The following TMEM135 variants were observed in gnomAD, a reference collection of about 807,000 sequenced individuals.
TMEM135 encodes peroxisomal membrane protein 52.
TMEM135 carries 30 observed loss-of-function variants against 60.3 expected under a neutral mutation model. The ratio of observed to expected loss-of-function variants is 0.50; its 90% CI spans 0.37 to 0.68. The LOEUF is 0.68. TMEM135 is among the 30% of genes least tolerant of loss of function. The probability of loss-of-function intolerance (pLI) is 0.00; values close to 1 mark genes in which losing one functional copy is unlikely to be tolerated. For missense variants in TMEM135, 468 were observed against 548.8 expected, an observed-to-expected ratio of 0.85 and a Z score of 1.47; for synonymous variants, 190 against 186.7, an observed-to-expected ratio of 1.02 and a Z score of -0.14.
At chr11:87,311,034 TTGAC>T (rs967322131) in intron 10 of TMEM135, among the ~76,000 whole-genome samples, 5 of 150,998 alleles carry the variant, frequency 3.3e-5, no homozygotes, top group African/African-American at 1.2e-4. Context: ...CTTTATTTCT[TTGAC>T]TGTTTTAATG....
chr11:87,153,265 A>C (rs1385926420), intron 4 of TMEM135, among the ~76,000 whole-genome samples: 1 of 152,148 alleles, frequency 6.6e-6, no homozygotes, highest in African/African-American at 2.4e-5. Flanking sequence ...CATCTCATGA[A>C]GTCTTTTTCC....
At chr11:87,263,744 A>G (rs1941696734) in intron 6 of TMEM135, among the ~76,000 whole-genome samples, 1 of 152,116 alleles carries the variant, frequency 6.6e-6, no homozygotes. Context: ...CTGGTGAAGA[A>G]AATGAACGTG....
chr11:87,142,371 T>C (rs1416723724), intron 4 of TMEM135, among the ~76,000 whole-genome samples: 1 of 152,234 alleles, frequency 6.6e-6, no homozygotes, highest in Non-Finnish European at 1.5e-5. Context: ...CTCATGTAGC[T>C]GTGCTGTAAG....
chr11:87,302,231 C>CTT (rs377223796), intron 7 of TMEM135, 65 bp from the exon 8 acceptor site: 311 of 1,321,296 alleles, frequency 2.4e-4, no homozygotes, highest in African/African-American at 7.3e-4. Flanking sequence ...TAAACAAAGT[C>CTT]TTTTTTTTTT....
intron 6 of TMEM135, among the ~76,000 whole-genome samples, chr11:87,292,021 G>A (rs1942274622): frequency 6.6e-6 from 1 of 152,112 alleles, no homozygotes; most frequent in Non-Finnish European, 1.5e-5. Context: ...TCCAGCTACA[G>A]TAATCTACTT....
At chr11:87,275,396 A>G (rs1007965261) in intron 6 of TMEM135, among the ~76,000 whole-genome samples, 2 of 152,084 alleles carry the variant, frequency 1.3e-5, no homozygotes, top group African/African-American at 4.8e-5. Context: ...TCAGATGCTT[A>G]TTGGTTGGGT....
At chr11:87,315,156 T>C (rs1942706490) in intron 12 of TMEM135, among the ~76,000 whole-genome samples, 1 of 151,674 alleles carries the variant, frequency 6.6e-6, no homozygotes, top group Non-Finnish European at 1.5e-5. Context: ...TTCCTCCTCC[T>C]CCTCCTCCTC....
chr11:87,279,241 G>C (rs1264298282), intron 6 of TMEM135, among the ~76,000 whole-genome samples: 1 of 152,062 alleles, frequency 6.6e-6, no homozygotes, highest in Non-Finnish European at 1.5e-5. Context: ...GGCCTGTAGT[G>C]ATACATCTTT....
intron 1 of TMEM135, among the ~76,000 whole-genome samples, chr11:87,040,292 T>C (rs1949739193): frequency 6.9e-6 from 1 of 144,884 alleles, no homozygotes; most frequent in South Asian, 2.1e-4. Context: ...TTTGTGAGTG[T>C]TGGATAGTTG....
At chr11:87,297,000 G>T (rs1942358136) in intron 7 of TMEM135, among the ~76,000 whole-genome samples, 2 of 152,172 alleles carry the variant, frequency 1.3e-5, no homozygotes, top group South Asian at 4.1e-4. Context: ...AAGGTCAGCA[G>T]TAGGGAGCTA....
chr11:87,202,243 C>T (rs1940119005), intron 5 of TMEM135, among the ~76,000 whole-genome samples: 1 of 151,150 alleles, frequency 6.6e-6, no homozygotes, highest in Non-Finnish European at 1.5e-5. Flanking sequence ...CCAGGCTGGT[C>T]TCAAACTCCT....
At chr11:87,077,739 C>T (rs1856903897) in intron 3 of TMEM135, among the ~76,000 whole-genome samples, 1 of 152,212 alleles carries the variant, frequency 6.6e-6, no homozygotes. Context: ...ACCCCTTTAA[C>T]TGTCACCCCC....
chr11:87,070,507 G>A lies in TMEM135; in HGVS notation c.270-1016G>A, dbSNP rs184964623. 7.2e-5 allele frequency among the ~76,000 whole-genome samples: 11 copies of A among 152,120 alleles called. No individual in the cohort carries two copies. In the South Asian group the frequency reaches 1.0e-3, roughly 14 times the overall value. ...AAATTAGCCGGGCGTGGTGGCAAGC[G>A]CCTGTAATCCCAGCTACTCGGGAGG... is the stretch of plus-strand genomic sequence containing the variant. On this transcript the variant is annotated intron_variant, in intron 2 of 14. Coordinates refer to ENST00000305494, the MANE Select transcript of TMEM135 (RefSeq NM_022918.4).
intron 4 of TMEM135, among the ~76,000 whole-genome samples, chr11:87,152,219 A>AT (rs1222634315): frequency 6.6e-6 from 1 of 151,748 alleles, no homozygotes; most frequent in African/African-American, 2.4e-5. Context: ...TTTCATTGAT[A>AT]TTTTTTGTGT....
intron 1 of TMEM135, among the ~76,000 whole-genome samples, chr11:87,046,560 C>T (rs554039529): frequency 8.5e-5 from 13 of 152,152 alleles, no homozygotes; most frequent in Admixed American, 2.0e-4. Context: ...TGCTTTGGGA[C>T]ATACTGAGTT....
chr11:87,153,247 C>T (rs1938605189), intron 4 of TMEM135, among the ~76,000 whole-genome samples: 1 of 152,190 alleles, frequency 6.6e-6, no homozygotes, highest in Non-Finnish European at 1.5e-5. Context: ...CCATCATGCA[C>T]TCTCAACCAT....
At chr11:87,318,082 G>A in intron 12 of TMEM135, 55 bp from the exon 13 acceptor site, 1 of 1,397,490 alleles carries the variant, frequency 7.2e-7, no homozygotes, top group Non-Finnish European at 1.0e-6. Context: ...GCTCAACTAT[G>A]TTTTTAATGC....
At chr11:87,043,689 C>G (rs930319472) in intron 1 of TMEM135, among the ~76,000 whole-genome samples, 2 of 151,956 alleles carry the variant, frequency 1.3e-5, no homozygotes, top group South Asian at 4.1e-4. Context: ...CGCCACTGCA[C>G]TCCAGCCTGG....
At chr11:87,069,235 G>C (rs541241522) in intron 2 of TMEM135, among the ~76,000 whole-genome samples, 1 of 135,212 alleles carries the variant, frequency 7.4e-6, no homozygotes, top group Non-Finnish European at 1.5e-5. Context: ...GCAGTGAGCC[G>C]AGATTGCACC....
Sources: gnomAD v4.1 joint callset for allele counts (sites outside exome capture counted in the v4.1 genomes callset) on GRCh38, gnomAD v4.1.1 for gene constraint, MANE v1.5 for transcripts, NCBI Gene and HGNC (gene_info 2026-07-23, HGNC 2026-07-21) for gene names.